Variants in RLF observed in about 807,000 individuals in gnomAD.
RLF encodes the protein zinc finger protein Rlf.
A neutral mutation model predicts 162.9 loss-of-function variants in RLF; 7 were observed. That is an observed-to-expected ratio of 0.04 (90% confidence interval 0.02 to 0.08). RLF has a LOEUF of 0.08. Ranked by LOEUF, RLF falls within the 10% of genes least tolerant of loss-of-function variation. RLF has a pLI of 1.00. For missense variants in RLF, 1,664 were observed against 2,244.7 expected, an observed-to-expected ratio of 0.74 and a Z score of 5.23; for synonymous variants, 782 against 791.5, an observed-to-expected ratio of 0.99 and a Z score of 0.20.
chr1:40,234,886 C>T (rs539209130), intron 7 of RLF, among the ~76,000 whole-genome samples: 1 of 152,232 alleles, frequency 6.6e-6, no homozygotes, highest in East Asian at 1.9e-4. Context: ...TTTCTGAGAA[C>T]CTGCTGCCAT....
At chr1:40,167,297 A>G (rs1400216857) in intron 1 of RLF, among the ~76,000 whole-genome samples, 2 of 152,216 alleles carry the variant, frequency 1.3e-5, no homozygotes, top group East Asian at 3.8e-4. Context: ...TATTTCAAGA[A>G]GTTTTTAATG....
At chr1:40,165,382 T>C (rs995158522) in intron 1 of RLF, among the ~76,000 whole-genome samples, 2 of 152,220 alleles carry the variant, frequency 1.3e-5, no homozygotes, top group Admixed American at 6.5e-5. Context: ...TAATTTTCAT[T>C]TGACTTCTCA....
intron 4 of RLF, among the ~76,000 whole-genome samples, chr1:40,197,456 C>T (rs1173092706): frequency 3.3e-5 from 5 of 152,118 alleles, no homozygotes; most frequent in African/African-American, 1.2e-4. Flanking sequence ...GAGGAGATTG[C>T]ATGTTTTGTG....
chr1:40,179,830 A>G (rs1642383573), intron 1 of RLF, among the ~76,000 whole-genome samples: 2 of 152,140 alleles, frequency 1.3e-5, no homozygotes, highest in South Asian at 2.1e-4. Context: ...GGTACCTCAT[A>G]TAAGTGAAAT....
intron 5 of RLF, among the ~76,000 whole-genome samples, chr1:40,208,188 AG>A (rs1278878254): frequency 6.6e-6 from 1 of 152,190 alleles, no homozygotes; most frequent in African/African-American, 2.4e-5. Flanking sequence ...ACAGAATGCT[AG>A]TCATCTTTGT....
intron 1 of RLF, among the ~76,000 whole-genome samples, chr1:40,185,081 A>AG (rs1376378895): frequency 6.6e-6 from 1 of 152,060 alleles, no homozygotes; most frequent in Non-Finnish European, 1.5e-5. Context: ...ACAAAAAAAA[A>AG]GTTTTTTTTA....
chr1:40,167,621 C>T (rs1642185298), intron 1 of RLF, among the ~76,000 whole-genome samples: 1 of 152,052 alleles, frequency 6.6e-6, no homozygotes, highest in Admixed American at 6.6e-5. Flanking sequence ...GATCTAGATA[C>T]TTGTCACCTT....
chr1:40,200,217 T>C (rs1357866117), intron 4 of RLF, among the ~76,000 whole-genome samples: 8 of 152,228 alleles, frequency 5.3e-5, no homozygotes, highest in Non-Finnish European at 8.8e-5. Flanking sequence ...CCAGAACTTT[T>C]TGAAGTGCCT....
In RLF at chr1:40,237,512, G is replaced by C; in HGVS notation, c.2810G>C (p.Ser937Thr). ...AATGAGAAAGTCTTTGGGCCCTCCA[G>C]TTTAAAAGAAAAATGTTCCAGTATG... ...LSNEKVFGPS[S>T]LKEKCSSMAV... The change falls in exon 8 of 8, where the codon AGT (serine) becomes ACT (threonine). Residue 937 changes from serine to threonine, a missense_variant. Transcript: ENST00000372771. The surrounding 1 kb of genome is among the most constrained non-coding windows in gnomAD (Gnocchi z 4.4). The C allele has an allele frequency of 6.2e-7, 1 of 1,614,076 alleles. No homozygotes were observed. Among genetic ancestry groups the C allele is most frequent in the Non-Finnish European group, 8.5e-7 (1 of 1,179,992 alleles).
intron 1 of RLF, among the ~76,000 whole-genome samples, chr1:40,167,562 A>G (rs547681114): frequency 2.0e-5 from 3 of 152,190 alleles, no homozygotes; most frequent in Admixed American, 6.6e-5. Flanking sequence ...GTGTTGACAA[A>G]AACTTACTGC....
intron 6 of RLF, among the ~76,000 whole-genome samples, chr1:40,222,919 G>GACA (rs1377438046): frequency 6.6e-6 from 1 of 152,062 alleles, no homozygotes; most frequent in East Asian, 1.9e-4. Flanking sequence ...TCCCATAATG[G>GACA]GTTGTCTGTT....
At position 40,234,398 on chromosome 1, in the gene RLF, G is replaced by A. The variant is rs146046756; in HGVS notation, c.1090-1394G>A. The stretch of plus-strand genomic sequence containing the variant: ...AAATAAGTGCCTAGGCTGTAGTAGG[G>A]GTTCTGTAAATCAATGACAGTGATT... On this transcript the variant is annotated intron_variant, in intron 7 of 7. Coordinates refer to ENST00000372771, the MANE Select transcript of RLF (RefSeq NM_012421.4). 5.1e-3 allele frequency among the ~76,000 whole-genome samples: 775 copies of A among 152,196 alleles called. 7 individuals carry two copies. Among genetic ancestry groups the A allele is most frequent in the African/African-American group, 0.017 (720 of 41,522 alleles).
intron 3 of RLF, among the ~76,000 whole-genome samples, chr1:40,194,588 A>G (rs1003190844): frequency 1.3e-5 from 2 of 148,992 alleles, no homozygotes; most frequent in African/African-American, 4.9e-5. Flanking sequence ...TCCATCTCCA[A>G]AAAAAAAAAA....
chr1:40,217,738 C>T (rs1642943791), intron 5 of RLF, among the ~76,000 whole-genome samples: 1 of 152,016 alleles, frequency 6.6e-6, no homozygotes, highest in South Asian at 2.1e-4. Context: ...CGCCACTGCA[C>T]TCCAGCCTGG....
chr1:40,170,512 T>G (rs962495024), intron 1 of RLF, among the ~76,000 whole-genome samples: 2 of 152,158 alleles, frequency 1.3e-5, no homozygotes, highest in Non-Finnish European at 2.9e-5. Context: ...CCTCCCAAAG[T>G]GCTGGGATTA....
rs962268786 is a variant in RLF at position 40,161,798 on chromosome 1, C to T, written c.237+162C>T. On this transcript the variant is annotated intron_variant, in intron 1 of 7. Coordinates refer to ENST00000372771, the MANE Select transcript of RLF (RefSeq NM_012421.4). The surrounding 1 kb of genome is among the most constrained non-coding windows in gnomAD (Gnocchi z 4.4). Reference sequence around the variant, plus strand: ...CCCAGCTCGGAAGCTCGACCGCTGGCCCCCCTGCGCCACTGCCCGACTTTG... The same window carrying T: ...CCCAGCTCGGAAGCTCGACCGCTGGTCCCCCTGCGCCACTGCCCGACTTTG... 9.9e-5 allele frequency among the ~76,000 whole-genome samples: 15 copies of T among 152,174 alleles called. No individual in the cohort carries two copies. The highest frequency in any genetic ancestry group is 2.1e-4 in the Non-Finnish European group (14 of 68,034).
intron 6 of RLF, among the ~76,000 whole-genome samples, chr1:40,230,463 GCT>G: frequency 6.6e-6 from 1 of 152,022 alleles, no homozygotes; most frequent in East Asian, 1.9e-4. Flanking sequence ...ATGGAGTCTT[GCT>G]CTGTCGCCTA....
intron 5 of RLF, among the ~76,000 whole-genome samples, chr1:40,208,536 C>T (rs1046860088): frequency 6.6e-6 from 1 of 152,084 alleles, no homozygotes; most frequent in Admixed American, 6.6e-5. Flanking sequence ...TAATTTAGGC[C>T]AGGTGTGGTG....
intron 1 of RLF, among the ~76,000 whole-genome samples, chr1:40,188,154 A>T (rs901929697): frequency 2.0e-5 from 3 of 152,234 alleles, no homozygotes; most frequent in Non-Finnish European, 4.4e-5. Flanking sequence ...GAAGGAAGAT[A>T]TATATGAACA....
Sources: allele counts gnomAD v4.1 joint callset (sites outside exome capture counted in the v4.1 genomes callset), GRCh38; gene constraint gnomAD v4.1.1; non-coding constraint Gnocchi (gnomAD v3.1); transcripts MANE v1.5; gene names NCBI Gene and HGNC (gene_info 2026-07-23, HGNC 2026-07-21).